Variants in PPARD observed in about 807,000 individuals in gnomAD.
The protein encoded by PPARD is peroxisome proliferator-activated receptor delta.
PPARD carries 6 observed loss-of-function variants against 39.5 expected under a neutral mutation model. The observed-to-expected ratio is 0.15, with a 90% CI of 0.08 to 0.30. The LOEUF (loss-of-function observed/expected upper bound fraction) is 0.30. PPARD is among the 10% of genes least tolerant of loss of function. The pLI is 1.00. For synonymous variants in PPARD, 210 were observed against 231.3 expected (o/e 0.91, Z 0.83); for missense variants, 397 against 596.8 (o/e 0.67, Z 3.49).
intron 3 of PPARD, among the ~76,000 whole-genome samples, chr6:35,418,111 G>A (rs570766896): frequency 7.9e-4 from 120 of 152,320 alleles, no homozygotes; most frequent in Middle Eastern, 3.4e-3. Context: ...GGGAACGTGA[G>A]TAGAGACATG....
At chr6:35,408,610 G>T (rs950552836) in intron 2 of PPARD, among the ~76,000 whole-genome samples, 2 of 152,208 alleles carry the variant, frequency 1.3e-5, no homozygotes, top group Non-Finnish European at 2.9e-5. Flanking sequence ...TAAAGAGCCT[G>T]CAGGGGAGAA....
rs754366846 is a variant in PPARD, at chr6:35,377,290, C to T, written c.-102+30140C>T. Among the ~76,000 whole-genome samples the T allele has an allele frequency of 2.5e-4, 38 of 152,130 alleles. 1 individual carries two copies. The highest frequency in any genetic ancestry group is 8.4e-4 in the African/African-American group (35 of 41,436). Reference sequence around the variant, plus strand: ...TCTTTCCAATTTGGCTGCATGTCTACGGACGTCATTTGTTTTATTTTATCT... The same window carrying T: ...TCTTTCCAATTTGGCTGCATGTCTATGGACGTCATTTGTTTTATTTTATCT... On this transcript the variant is annotated intron_variant, in intron 2 of 7. Coordinates refer to ENST00000360694, the MANE Select transcript of PPARD (RefSeq NM_006238.5).
intron 2 of PPARD, among the ~76,000 whole-genome samples, chr6:35,356,810 TG>T (rs1380270219): frequency 6.6e-6 from 1 of 152,230 alleles, no homozygotes; most frequent in Non-Finnish European, 1.5e-5. Context: ...GCTGGTCAGC[TG>T]GGTCCACTGG....
At chr6:35,407,379 G>C (rs960570406) in intron 2 of PPARD, among the ~76,000 whole-genome samples, 1 of 141,318 alleles carries the variant, frequency 7.1e-6, no homozygotes, top group African/African-American at 2.6e-5. Context: ...TGGCTCTCGG[G>C]GGTCCCACCA....
At chr6:35,343,359 T>G (rs557422439) in intron 1 of PPARD, among the ~76,000 whole-genome samples, 2 of 152,312 alleles carry the variant, frequency 1.3e-5, no homozygotes, top group Admixed American at 6.5e-5. Flanking sequence ...CTTGGTTCCC[T>G]GAGAGGCCCT....
At chr6:35,414,097 A>G (rs1765598227) in intron 3 of PPARD, among the ~76,000 whole-genome samples, 1 of 152,178 alleles carries the variant, frequency 6.6e-6, no homozygotes. Flanking sequence ...TGCTCATAAG[A>G]GCAAAAATAG....
intron 2 of PPARD, chr6:35,348,351 C>T: frequency 1.0e-6 from 1 of 985,346 alleles, no homozygotes; most frequent in Non-Finnish European, 1.2e-6. Flanking sequence ...ATTGTTTCTT[C>T]CATCTCTGCA....
At chr6:35,415,579 A>G (rs1765698622) in intron 3 of PPARD, among the ~76,000 whole-genome samples, 1 of 152,234 alleles carries the variant, frequency 6.6e-6, no homozygotes, top group Admixed American at 6.5e-5. Flanking sequence ...ACATTTGGAT[A>G]ATGACATGGT....
chr6:35,372,247 G>A (rs1257028210), intron 2 of PPARD, among the ~76,000 whole-genome samples: 1 of 152,116 alleles, frequency 6.6e-6, no homozygotes, highest in Admixed American at 6.5e-5. Context: ...GCATGATCTC[G>A]GTTCACTGCA....
chr6:35,379,155 G>A (rs1036702518), intron 2 of PPARD, among the ~76,000 whole-genome samples: 1 of 150,148 alleles, frequency 6.7e-6, no homozygotes, highest in Admixed American at 6.7e-5. Context: ...CCAGGCTGGA[G>A]TGCAATGGCT....
chr6:35,421,777 C>T (rs1370246283), intron 4 of PPARD, 43 bp from the exon 5 acceptor site: 1 of 1,565,264 alleles, frequency 6.4e-7, no homozygotes, highest in Non-Finnish European at 8.7e-7. Context: ...AGCCTCCCTC[C>T]CACCTCCTGG....
chr6:35,351,098 T>G (rs1487964459), intron 2 of PPARD, among the ~76,000 whole-genome samples: 1 of 152,138 alleles, frequency 6.6e-6, no homozygotes, highest in Non-Finnish European at 1.5e-5. Flanking sequence ...CAATCTCGGC[T>G]TACTGCAAGC....
intron 2 of PPARD, among the ~76,000 whole-genome samples, chr6:35,360,791 T>C (rs952956825): frequency 3.9e-5 from 6 of 152,246 alleles, no homozygotes; most frequent in Non-Finnish European, 7.3e-5. Flanking sequence ...CCCCGATTTA[T>C]TTTTAGAGAG....
Position 35,424,242 on chromosome 6 carries a change from C to T in PPARD, c.628-87C>T. The stretch of plus-strand genomic sequence containing the variant: ...CGGGAGAGCCAGGCCTTCTCCCTCC[C>T]TCAACTTCATGGTGCAGGCAAGGGA... On this transcript the variant is annotated intron_variant, in intron 6 of 7. Transcript: ENST00000360694. The surrounding 1 kb of genome is among the most constrained non-coding windows in gnomAD (Gnocchi z 7.1). 1 of 1,592,552 alleles carries T rather than the reference C, an allele frequency of 6.3e-7. No individual in the cohort carries two copies. The highest frequency in any genetic ancestry group is 1.1e-5 in the South Asian group (1 of 88,134).
chr6:35,343,153 C>T (rs1347128953), intron 1 of PPARD, among the ~76,000 whole-genome samples: 6 of 152,056 alleles, frequency 3.9e-5, no homozygotes, highest in Admixed American at 1.3e-4. Flanking sequence ...CCTCTGTCCC[C>T]CTCGTTATCC....
chr6:35,408,453 C>T (rs1286653822), intron 2 of PPARD, among the ~76,000 whole-genome samples: 1 of 152,178 alleles, frequency 6.6e-6, no homozygotes, highest in Non-Finnish European at 1.5e-5. Context: ...ACGGGGTGAG[C>T]AGGACAGCAC....
At chr6:35,389,865 T>TC (rs747176025) in intron 2 of PPARD, among the ~76,000 whole-genome samples, 92 of 152,324 alleles carry the variant, frequency 6.0e-4, no homozygotes, top group Admixed American at 1.3e-3. Context: ...TTTCAGACCC[T>TC]CACCCTCTCT....
chr6:35,423,054 C>CAA (rs56317397), intron 5 of PPARD, among the ~76,000 whole-genome samples: 12,024 of 71,602 alleles, frequency 0.17, 2,907 homozygotes, highest in African/African-American at 0.43. Flanking sequence ...CTCATCTCTA[C>CAA]AAAAAAAAAA....
intron 2 of PPARD, among the ~76,000 whole-genome samples, chr6:35,391,839 T>C (rs1173854779): frequency 6.6e-6 from 1 of 152,094 alleles, no homozygotes; most frequent in Non-Finnish European, 1.5e-5. Flanking sequence ...AGTGAAGCAG[T>C]TTGCCCAAAG....
Sources: gnomAD v4.1 joint callset for allele counts (sites outside exome capture counted in the v4.1 genomes callset) on GRCh38, gnomAD v4.1.1 for gene constraint, Gnocchi (gnomAD v3.1) non-coding constraint, MANE v1.5 for transcripts, NCBI Gene and HGNC (gene_info 2026-07-23, HGNC 2026-07-21) for gene names.